PTH2R: variants seen among roughly 807,000 people sequenced by gnomAD.
PTH2R encodes parathyroid hormone 2 receptor.
In PTH2R, 59 loss-of-function variants were observed where a neutral mutation model predicts 60.3. That is an observed-to-expected ratio of 0.98 (90% CI 0.79 to 1.22). The LOEUF (loss-of-function observed/expected upper bound fraction) is 1.22, where lower values mean the gene tolerates loss of function less well. PTH2R is among the 50% of genes most tolerant of loss of function. PTH2R has a pLI of 0.00. For synonymous variants in PTH2R, 256 were observed against 243.8 expected, an observed-to-expected ratio of 1.05 and a Z score of -0.47; for missense variants, 749 against 682.6, an observed-to-expected ratio of 1.10 and a Z score of -1.08.
At chr2:208,475,812 A>G (rs1346301941) in intron 9 of PTH2R, among the ~76,000 whole-genome samples, 1 of 152,100 alleles carries the variant, frequency 6.6e-6, no homozygotes, top group East Asian at 1.9e-4. Flanking sequence ...TCACATCATC[A>G]TTGTGTATCC....
chr2:208,477,656 T>C (rs1457186971), intron 9 of PTH2R, among the ~76,000 whole-genome samples: 1 of 152,048 alleles, frequency 6.6e-6, no homozygotes, highest in Non-Finnish European at 1.5e-5. Flanking sequence ...TATATTTGCA[T>C]TATTTTAAAA....
At chr2:208,458,440 G>T (rs1220349059) in intron 8 of PTH2R, among the ~76,000 whole-genome samples, 1 of 152,078 alleles carries the variant, frequency 6.6e-6, no homozygotes, top group Non-Finnish European at 1.5e-5. Context: ...AGCTGTCAAA[G>T]ATTTTTAAAA....
intron 2 of PTH2R, 115 bp downstream of exon 2, chr2:208,428,418 C>A: frequency 1.4e-6 from 1 of 702,118 alleles, no homozygotes; most frequent in Non-Finnish European, 2.5e-6. Flanking sequence ...ATCCACATTT[C>A]CATGTGGAGG....
At chr2:208,455,150 T>A (rs1702485059) in intron 8 of PTH2R, among the ~76,000 whole-genome samples, 1 of 152,238 alleles carries the variant, frequency 6.6e-6, no homozygotes, top group Non-Finnish European at 1.5e-5. Flanking sequence ...TATTGCTATA[T>A]ACACACAGTG....
chr2:208,460,364 G>C lies in PTH2R; in HGVS notation c.981+403G>C, dbSNP rs540439543. Among the ~76,000 whole-genome samples the C allele has an allele frequency of 2.0e-5, 3 of 152,244 alleles. No individual in the cohort carries two copies. In the South Asian group the frequency reaches 6.2e-4, roughly 32 times the overall value. On this transcript the variant is annotated intron_variant, in intron 9 of 12. Coordinates refer to ENST00000272847, the MANE Select transcript of PTH2R (RefSeq NM_005048.4). ...GGAAAACAGAGAAATTACTGAGAGA[G>C]AAGAATGGTAATATGATGTATAAAG...
intron 9 of PTH2R, among the ~76,000 whole-genome samples, chr2:208,461,319 C>T (rs1021520341): frequency 1.3e-5 from 2 of 151,962 alleles, no homozygotes; most frequent in South Asian, 2.1e-4. Flanking sequence ...TAACTATATC[C>T]CTGAGAGACA....
intron 10 of PTH2R, among the ~76,000 whole-genome samples, chr2:208,482,837 G>T (rs1280738974): frequency 6.6e-6 from 1 of 152,072 alleles, no homozygotes; most frequent in Admixed American, 6.5e-5. Context: ...TCTCCACAAG[G>T]GTCGCTTTCC....
At chr2:208,456,408 A>C (rs547984922) in intron 8 of PTH2R, among the ~76,000 whole-genome samples, 7 of 152,224 alleles carry the variant, frequency 4.6e-5, no homozygotes, top group African/African-American at 1.7e-4. Context: ...TTCGAAGGAG[A>C]TAAGAGATGC....
At chr2:208,423,584 G>A (rs937392754) in intron 1 of PTH2R, among the ~76,000 whole-genome samples, 2 of 152,118 alleles carry the variant, frequency 1.3e-5, no homozygotes, top group Admixed American at 6.5e-5. Flanking sequence ...TGGGTGAAGC[G>A]TTCAGTAAAT....
At chr2:208,461,370 C>G (rs1167226748) in intron 9 of PTH2R, among the ~76,000 whole-genome samples, 3 of 152,094 alleles carry the variant, frequency 2.0e-5, no homozygotes, top group Non-Finnish European at 2.9e-5. Context: ...TCAGATTTCC[C>G]TTTCACTCAT....
At chr2:208,360,196 G>A in exon 1 of PTH2R, 8 of 455,082 alleles carry the variant, frequency 1.8e-5, no homozygotes, top group South Asian at 1.3e-4. Flanking sequence ...TACGATAAAT[G>A]AAAGCATTTC....
rs527586355 is a variant in PTH2R, at chr2:208,450,498, C to A, written c.854-251C>A. Among the ~76,000 whole-genome samples the A allele has an allele frequency of 2.6e-5, 4 of 152,248 alleles. No individual in the cohort carries two copies. In the South Asian group the frequency reaches 6.2e-4, roughly 24 times the overall value. On this transcript the variant is annotated intron_variant, in intron 7 of 12. Coordinates refer to ENST00000272847, the MANE Select transcript of PTH2R (RefSeq NM_005048.4). The stretch of plus-strand genomic sequence containing the variant: ...TCTCCAAATATGGCTTTTCCCTACA[C>A]CCCTCAGATGAAAATTAGGCCAGTT...
chr2:208,391,605 G>GT (rs997182267), intron 1 of PTH2R, among the ~76,000 whole-genome samples: 1 of 152,142 alleles, frequency 6.6e-6, no homozygotes, highest in African/African-American at 2.4e-5. Flanking sequence ...AGCTCCCTGA[G>GT]TTTTTTTATG....
At chr2:208,408,722 A>AAGAGAGAGAGAGAGAAAGAG (rs1559211060) in intron 1 of PTH2R, among the ~76,000 whole-genome samples, 1 of 121,330 alleles carries the variant, frequency 8.2e-6, no homozygotes, top group Non-Finnish European at 1.6e-5. Context: ...GAAGAAAGGA[A>AAGAGAGAGAGAGAGAAAGAG]AGAGAGAGAG....
chr2:208,362,556 G>A (rs914519076), intron 1 of PTH2R, among the ~76,000 whole-genome samples: 2 of 152,068 alleles, frequency 1.3e-5, no homozygotes, highest in African/African-American at 4.8e-5. Flanking sequence ...TCATATATAT[G>A]TCTGTTTCTT....
chr2:208,461,561 G>A (rs114431850), intron 9 of PTH2R, among the ~76,000 whole-genome samples: 6,992 of 151,980 alleles, frequency 0.046, 322 homozygotes, highest in African/African-American at 0.11. Flanking sequence ...GTTAATTAAT[G>A]CTCTTAATTT....
chr2:208,470,820 A>C (rs752407914), intron 9 of PTH2R, among the ~76,000 whole-genome samples: 2 of 152,210 alleles, frequency 1.3e-5, no homozygotes, highest in Non-Finnish European at 2.9e-5. Context: ...GTTCACAGAC[A>C]GGAAAATGTG....
At chr2:208,464,275 G>A (rs570374630) in intron 9 of PTH2R, among the ~76,000 whole-genome samples, 9 of 152,206 alleles carry the variant, frequency 5.9e-5, no homozygotes, top group African/African-American at 2.2e-4. Flanking sequence ...CCTATGTGAG[G>A]TCCTGTTATT....
chr2:208,361,034 G>C (rs527663493), intron 1 of PTH2R: 82 of 218,156 alleles, frequency 3.8e-4, no homozygotes, highest in Middle Eastern at 2.0e-3. Flanking sequence ...TTATTCTCCC[G>C]CTGGAAATAA....
Sources: allele counts gnomAD v4.1 joint callset (sites outside exome capture counted in the v4.1 genomes callset), GRCh38; gene constraint gnomAD v4.1.1; transcripts MANE v1.5; gene names NCBI Gene and HGNC (gene_info 2026-07-23, HGNC 2026-07-21).